PCCA: variants seen among roughly 807,000 people sequenced by gnomAD.
PCCA encodes propionyl-CoA carboxylase subunit alpha, also known as propionyl-CoA carboxylase alpha chain, mitochondrial.
A neutral mutation model predicts 101.3 loss-of-function variants in PCCA; 74 were observed. The ratio of observed to expected loss-of-function variants is 0.73; its 90% CI spans 0.61 to 0.89. The LOEUF is 0.89. PCCA is among the 40% of genes least tolerant of loss of function. PCCA has a pLI of 0.00. For synonymous variants in PCCA, 294 were observed against 313.6 expected (o/e 0.94, Z 0.66); for missense variants, 891 against 907.0 (o/e 0.98, Z 0.23).
chr13:100,481,078 T>C (rs1018977051), intron 21 of PCCA: 3 of 152,222 alleles, frequency 2.0e-5, no homozygotes, highest in African/African-American at 7.2e-5. Flanking sequence ...CAAATTTCTT[T>C]GTCCTTTTTC....
At chr13:100,235,759 A>G in intron 7 of PCCA, 83 bp from the exon 8 acceptor site, 3 of 849,602 alleles carry the variant, frequency 3.5e-6, no homozygotes, top group Non-Finnish European at 6.2e-6. Flanking sequence ...CGGAGGAGAC[A>G]GTAGTGCAAT....
At chr13:100,488,652 T>G (rs969115475) in intron 21 of PCCA, among the ~76,000 whole-genome samples, 9 of 145,646 alleles carry the variant, frequency 6.2e-5, no homozygotes, top group African/African-American at 1.8e-4. Context: ...TTGTTTTTTT[T>G]TTTTAATTAG....
At chr13:100,111,295 T>G (rs942126404) in intron 2 of PCCA, among the ~76,000 whole-genome samples, 17 of 149,934 alleles carry the variant, frequency 1.1e-4, no homozygotes, top group African/African-American at 4.2e-4. Flanking sequence ...CCTCCCAAAG[T>G]GCTGGATTAC....
intron 18 of PCCA, among the ~76,000 whole-genome samples, chr13:100,366,192 C>T (rs766357751): frequency 5.3e-5 from 8 of 152,174 alleles, no homozygotes; most frequent in Non-Finnish European, 7.3e-5. Context: ...TCTGCAATCA[C>T]AATACCCCTG....
chr13:100,199,181 GA>G, intron 6 of PCCA, among the ~76,000 whole-genome samples: 1 of 152,028 alleles, frequency 6.6e-6, no homozygotes, highest in East Asian at 1.9e-4. Flanking sequence ...AATAGGTCCA[GA>G]CGCAGATGTT....
chr13:100,114,857 C>T (rs1115189), intron 4 of PCCA, among the ~76,000 whole-genome samples: 61,201 of 151,970 alleles, frequency 0.4, 13,845 homozygotes, highest in Middle Eastern at 0.58. Flanking sequence ...CTATAAAGAA[C>T]AGTATGGAGG....
At chr13:100,402,171 G>T (rs1401613155) in intron 19 of PCCA, among the ~76,000 whole-genome samples, 2 of 151,926 alleles carry the variant, frequency 1.3e-5, no homozygotes, top group Non-Finnish European at 2.9e-5. Context: ...TACTTTATAG[G>T]ACATTACAAC....
At chr13:100,500,597 A>G (rs1443595070) in intron 21 of PCCA, among the ~76,000 whole-genome samples, 2 of 152,216 alleles carry the variant, frequency 1.3e-5, no homozygotes, top group Non-Finnish European at 2.9e-5. Context: ...TCTCTCCCAG[A>G]AGATAGTGAG....
At chr13:100,525,755 A>G (rs1291186368) in intron 22 of PCCA, among the ~76,000 whole-genome samples, 1 of 152,180 alleles carries the variant, frequency 6.6e-6, no homozygotes, top group Non-Finnish European at 1.5e-5. Flanking sequence ...AAGCCAATGT[A>G]CTTGGCGGGG....
At chr13:100,448,430 A>G (rs2080994917) in intron 20 of PCCA, among the ~76,000 whole-genome samples, 1 of 152,044 alleles carries the variant, frequency 6.6e-6, no homozygotes, top group African/African-American at 2.4e-5. Context: ...TCACCTCGTG[A>G]TCCGCCTGCC....
intron 7 of PCCA, among the ~76,000 whole-genome samples, chr13:100,232,382 G>GTGTGTGTGTA (rs1566760152): frequency 6.6e-6 from 1 of 151,222 alleles, no homozygotes; most frequent in African/African-American, 2.4e-5. Flanking sequence ...GTGTGTGTGT[G>GTGTGTGTGTA]TGTGTGTGTG....
rs1427770054 is a variant in PCCA at position 100,410,135 on chromosome 13, T to C, written c.1747-15498T>C. ...TTGGTTTGCTAATTAATGTACTATA[T>C]GGACTGGGATTCTTTGGTACAAAAC... On this transcript the variant is annotated intron_variant, in intron 19 of 23. Transcript: ENST00000376285. Among the ~76,000 whole-genome samples the C allele has an allele frequency of 2.0e-5, 3 of 152,364 alleles. No homozygotes were observed. The South Asian group carries it at 6.2e-4, about 32-fold the overall frequency.
chr13:100,360,654 A>C (rs1027181938), intron 18 of PCCA, among the ~76,000 whole-genome samples: 3 of 152,184 alleles, frequency 2.0e-5, no homozygotes, highest in Non-Finnish European at 4.4e-5. Context: ...AATCCAGAAC[A>C]CCGAACACCA....
chr13:100,289,380 C>T (rs779630481), intron 12 of PCCA, among the ~76,000 whole-genome samples: 11 of 152,070 alleles, frequency 7.2e-5, no homozygotes, highest in Admixed American at 2.0e-4. Flanking sequence ...AACTCTTGGG[C>T]TCAAGGGATC....
intron 21 of PCCA, among the ~76,000 whole-genome samples, chr13:100,472,563 G>A (rs2083101187): frequency 6.6e-6 from 1 of 152,190 alleles, no homozygotes; most frequent in African/African-American, 2.4e-5. Flanking sequence ...GGAACCACCA[G>A]TGTGGGTCAG....
At chr13:100,215,528 C>T (rs1262146426) in intron 7 of PCCA, among the ~76,000 whole-genome samples, 1 of 152,122 alleles carries the variant, frequency 6.6e-6, no homozygotes, top group African/African-American at 2.4e-5. Flanking sequence ...CAAGACCTAC[C>T]CCCTCAGATA....
At chr13:100,142,838 T>C (rs1273738206) in intron 4 of PCCA, among the ~76,000 whole-genome samples, 1 of 152,226 alleles carries the variant, frequency 6.6e-6, no homozygotes, top group African/African-American at 2.4e-5. Flanking sequence ...GTAAGCTTGC[T>C]GACATCATGC....
chr13:100,386,529 C>T (rs904180902), intron 19 of PCCA, among the ~76,000 whole-genome samples: 1 of 152,140 alleles, frequency 6.6e-6, no homozygotes, highest in East Asian at 1.9e-4. Flanking sequence ...CTACAGATGC[C>T]TGCCACCATG....
At chr13:100,443,247 T>A (rs144595254) in intron 20 of PCCA, among the ~76,000 whole-genome samples, 1 of 152,224 alleles carries the variant, frequency 6.6e-6, no homozygotes, top group African/African-American at 2.4e-5. Context: ...AAGAAGAATG[T>A]TTCATCCAGC....
Sources: allele counts gnomAD v4.1 joint callset (sites outside exome capture counted in the v4.1 genomes callset), GRCh38; gene constraint gnomAD v4.1.1; transcripts MANE v1.5; gene names NCBI Gene and HGNC (gene_info 2026-07-23, HGNC 2026-07-21).